NRG1: variants seen among roughly 807,000 people sequenced by gnomAD.
NRG1 encodes pro-neuregulin-1, membrane-bound isoform.
In NRG1, 18 loss-of-function variants were observed where a neutral mutation model predicts 63.8. That is an observed-to-expected ratio of 0.28 (90% CI 0.19 to 0.42). The LOEUF (loss-of-function observed/expected upper bound fraction) is 0.42, where lower values mean the gene tolerates loss of function less well. Ranked by LOEUF, NRG1 falls within the 10% of genes least tolerant of loss-of-function variation. NRG1 has a pLI of 1.00. For missense variants in NRG1, 762 were observed against 814.7 expected (o/e 0.94, Z 0.79); for synonymous variants, 302 against 301.3 (o/e 1.00, Z -0.02).
chr8:32,714,546 T>C (rs967926260), intron 5 of NRG1, among the ~76,000 whole-genome samples: 3 of 152,178 alleles, frequency 2.0e-5, no homozygotes, highest in African/African-American at 7.2e-5. Context: ...ATGAGATGTA[T>C]TGGACACTTT....
intron 1 of NRG1, among the ~76,000 whole-genome samples, chr8:32,069,936 T>C (rs1825506465): frequency 6.6e-6 from 1 of 152,134 alleles, no homozygotes; most frequent in South Asian, 2.1e-4. Context: ...GATGCAGAAA[T>C]AGGAATGTAA....
chr8:32,077,681 T>C (rs1213850651), intron 1 of NRG1, among the ~76,000 whole-genome samples: 1 of 152,234 alleles, frequency 6.6e-6, no homozygotes, highest in Non-Finnish European at 1.5e-5. Flanking sequence ...AATTTTACAC[T>C]GAGTTTGAAA....
intron 1 of NRG1, among the ~76,000 whole-genome samples, chr8:32,262,838 T>C (rs61503226): frequency 6.6e-6 from 1 of 151,928 alleles, no homozygotes; most frequent in South Asian, 2.1e-4. Flanking sequence ...TTAGAAAATA[T>C]GTAAATAATA....
intron 1 of NRG1, among the ~76,000 whole-genome samples, chr8:32,362,790 A>C (rs1442001961): frequency 2.0e-5 from 3 of 152,240 alleles, no homozygotes; most frequent in African/African-American, 7.2e-5. Flanking sequence ...ATGCCATGGA[A>C]GATCTAATGA....
At position 32,763,829 on chromosome 8, in the gene NRG1, G is replaced by A. The variant is rs752389906; in HGVS notation, c.1341G>A (p.Ser447=). The A allele has an allele frequency of 1.6e-5, 26 of 1,612,102 alleles. No homozygotes were observed. The highest frequency in any genetic ancestry group is 1.1e-4 in the East Asian group (5 of 44,810). The change falls in exon 12 of 12, where the codon TCG becomes TCA. Residue 447 remains serine (S), a synonymous_variant. Transcript: ENST00000356819. ...CAAGCTCCCCCAAATCGCCCCCTTCGGAAATGTCTCCACCCGTGTCCAGCA... is the reference window on the plus strand; with the variant it reads ...CAAGCTCCCCCAAATCGCCCCCTTCAGAAATGTCTCCACCCGTGTCCAGCA...
intron 5 of NRG1, chr8:32,722,181 C>A: frequency 1.4e-6 from 1 of 732,018 alleles, no homozygotes; most frequent in Non-Finnish European, 2.2e-6. Flanking sequence ...AAGAATTGTC[C>A]TAAAAGCTGT....
intron 1 of NRG1, among the ~76,000 whole-genome samples, chr8:31,780,067 T>C (rs1365401309): frequency 6.6e-6 from 1 of 152,190 alleles, no homozygotes; most frequent in African/African-American, 2.4e-5. Flanking sequence ...TAGGAAAACA[T>C]AGCCATGCTA....
chr8:32,365,163 C>T (rs1807795613), intron 1 of NRG1, among the ~76,000 whole-genome samples: 2 of 152,088 alleles, frequency 1.3e-5, no homozygotes, highest in South Asian at 4.1e-4. Context: ...GCTGGAATTA[C>T]AGGCGAGAGC....
intron 1 of NRG1, among the ~76,000 whole-genome samples, chr8:31,882,122 G>C (rs190677907): frequency 2.6e-4 from 40 of 152,142 alleles, no homozygotes; most frequent in Admixed American, 2.2e-3. Flanking sequence ...AGGCTATCTT[G>C]TTAGGGGCTA....
At chr8:32,332,133 T>TA (rs1199778939) in intron 1 of NRG1, among the ~76,000 whole-genome samples, 3 of 151,572 alleles carry the variant, frequency 2.0e-5, no homozygotes, top group East Asian at 1.9e-4. Flanking sequence ...TTTTTAAAAA[T>TA]AAAAAAATAT....
intron 1 of NRG1, among the ~76,000 whole-genome samples, chr8:31,993,119 G>T (rs1811364106): frequency 6.6e-6 from 1 of 151,974 alleles, no homozygotes. Context: ...AATTGAATGA[G>T]TTAGTTACAA....
chr8:32,568,859 A>G (rs1233476153), intron 1 of NRG1, among the ~76,000 whole-genome samples: 1 of 152,186 alleles, frequency 6.6e-6, no homozygotes, highest in Non-Finnish European at 1.5e-5. Context: ...CTTGCAGGCA[A>G]TATCTTGTTA....
chr8:31,912,724 C>T (rs1489566896), intron 1 of NRG1, among the ~76,000 whole-genome samples: 1 of 152,060 alleles, frequency 6.6e-6, no homozygotes, highest in African/African-American at 2.4e-5. Context: ...TCTCTTGCTC[C>T]TTCCCTTAAT....
At chr8:31,875,852 G>A (rs1200187319) in intron 1 of NRG1, among the ~76,000 whole-genome samples, 1 of 152,100 alleles carries the variant, frequency 6.6e-6, no homozygotes, top group Admixed American at 6.6e-5. Flanking sequence ...AGATAAGCAT[G>A]CATTTCTCAA....
At position 32,552,553 on chromosome 8, in the gene NRG1, T is replaced by G. The variant is rs200920124; in HGVS notation, c.100+3727T>G. Among the ~76,000 whole-genome samples, 5 of 152,274 alleles carry G rather than the reference T, an allele frequency of 3.3e-5. No homozygotes were observed. The East Asian group carries it at 9.7e-4, about 29-fold the overall frequency. On this transcript the variant is annotated intron_variant, in intron 1 of 11. Coordinates refer to ENST00000356819, the Ensembl canonical transcript of NRG1. ...TAAGTGGCTCTGCAGGCTGAAGTGC[T>G]TGTAAACATTCTTGCGTATAAAGTA...
intron 1 of NRG1, among the ~76,000 whole-genome samples, chr8:32,129,406 G>C (rs537354711): frequency 1.7e-4 from 26 of 151,968 alleles, no homozygotes; most frequent in Middle Eastern, 6.8e-3. Context: ...GCTGTGGCTT[G>C]CTGCTACATC....
intron 6 of NRG1, among the ~76,000 whole-genome samples, 154 bp from the exon 7 acceptor site, chr8:32,741,854 T>G (rs1238255821): frequency 2.0e-5 from 3 of 152,176 alleles, no homozygotes; most frequent in Non-Finnish European, 4.4e-5. Context: ...TCGTGGGACA[T>G]GGTTTTCTAA....
At chr8:32,260,711 T>C (rs1178238187) in intron 1 of NRG1, among the ~76,000 whole-genome samples, 2 of 152,206 alleles carry the variant, frequency 1.3e-5, no homozygotes, top group African/African-American at 4.8e-5. Context: ...TAGTACTGCG[T>C]AGAGTAGGAT....
At chr8:32,245,431 T>G (rs1264049228) in intron 1 of NRG1, among the ~76,000 whole-genome samples, 1 of 152,156 alleles carries the variant, frequency 6.6e-6, no homozygotes, top group Non-Finnish European at 1.5e-5. Flanking sequence ...TTTAGGAAGG[T>G]GTCCAAACTG....
Sources: gnomAD v4.1 joint callset for allele counts (sites outside exome capture counted in the v4.1 genomes callset) on GRCh38, gnomAD v4.1.1 for gene constraint, MANE v1.5 for transcripts, NCBI Gene and HGNC (gene_info 2026-07-23, HGNC 2026-07-21) for gene names.